Variants in TRPC4 observed in about 807,000 individuals in gnomAD.
TRPC4 encodes short transient receptor potential channel 4.
Under a neutral mutation model 99.4 loss-of-function variants are expected in TRPC4, and 49 were observed. That is an observed-to-expected ratio of 0.49 (90% CI 0.39 to 0.63). TRPC4 has a LOEUF of 0.63. Ranked by LOEUF, TRPC4 falls within the 20% of genes least tolerant of loss-of-function variation. The pLI, the probability that TRPC4 is intolerant of heterozygous loss-of-function variation, is 0.00. For synonymous variants in TRPC4, 454 were observed against 425.9 expected, an observed-to-expected ratio of 1.07 and a Z score of -0.81; for missense variants, 898 against 1,152.9, an observed-to-expected ratio of 0.78 and a Z score of 3.20.
intron 8 of TRPC4, among the ~76,000 whole-genome samples, chr13:37,640,713 C>A (rs535480701): frequency 6.6e-6 from 1 of 152,250 alleles, no homozygotes; most frequent in South Asian, 2.1e-4. Flanking sequence ...CAGCTGAAAC[C>A]TAAGACAAAC....
intron 2 of TRPC4, among the ~76,000 whole-genome samples, chr13:37,765,215 T>C (rs1459892380): frequency 6.6e-6 from 1 of 151,416 alleles, no homozygotes; most frequent in Non-Finnish European, 1.5e-5. Flanking sequence ...TATCAGTGTC[T>C]TTTCCCCCAA....
intron 1 of TRPC4, among the ~76,000 whole-genome samples, chr13:37,791,875 G>T (rs1378462783): frequency 6.6e-6 from 1 of 152,130 alleles, no homozygotes. Context: ...GGAGGAACAG[G>T]ATGCAATCTA....
At chr13:37,641,553 T>C (rs1951714552) in intron 8 of TRPC4, among the ~76,000 whole-genome samples, 1 of 152,174 alleles carries the variant, frequency 6.6e-6, no homozygotes, top group Non-Finnish European at 1.5e-5. Context: ...CACCAAATAA[T>C]TAATGCTAAA....
chr13:37,713,882 T>C (rs969898082), intron 3 of TRPC4, among the ~76,000 whole-genome samples: 1 of 152,170 alleles, frequency 6.6e-6, no homozygotes, highest in South Asian at 2.1e-4. Flanking sequence ...GAAGTGGCTA[T>C]ATTTTTAGGA....
chr13:37,721,385 T>G (rs1364233131), intron 3 of TRPC4, among the ~76,000 whole-genome samples: 1 of 152,154 alleles, frequency 6.6e-6, no homozygotes, highest in Non-Finnish European at 1.5e-5. Context: ...TGTTGTGAAG[T>G]GGCATTCAAA....
At chr13:37,664,578 A>AG (rs1952572801) in intron 5 of TRPC4, among the ~76,000 whole-genome samples, 1 of 107,294 alleles carries the variant, frequency 9.3e-6, no homozygotes, top group African/African-American at 3.7e-5. Flanking sequence ...CCATCTCAAA[A>AG]GAAAAAAAAA....
intron 3 of TRPC4, among the ~76,000 whole-genome samples, chr13:37,707,171 T>C (rs1044238716): frequency 3.7e-4 from 56 of 152,186 alleles, no homozygotes; most frequent in African/African-American, 1.4e-3. Flanking sequence ...AGAACTATCA[T>C]TTTTATAATC....
intron 2 of TRPC4, among the ~76,000 whole-genome samples, chr13:37,759,262 A>G (rs1292613041): frequency 6.6e-6 from 1 of 151,992 alleles, no homozygotes; most frequent in East Asian, 1.9e-4. Flanking sequence ...CATAACAACA[A>G]ATTTGAGATG....
chr13:37,831,359 T>C (rs569381479), intron 1 of TRPC4, among the ~76,000 whole-genome samples: 1 of 152,284 alleles, frequency 6.6e-6, no homozygotes, highest in East Asian at 1.9e-4. Flanking sequence ...TGTTAGAATA[T>C]CAATTATCAA....
chr13:37,774,119 GT>G lies in TRPC4; in HGVS notation c.378+8836del, dbSNP rs1485258349. On this transcript the variant is annotated intron_variant, in intron 2 of 10. Transcript: ENST00000379705. ...GGGACTCCAGAAATCAAAAAGGGAT[GT>G]TGCAATTAAGGAGATGAGTATTAGG... Among the ~76,000 whole-genome samples the G allele has an allele frequency of 3.4e-4, 51 of 151,794 alleles. No individual in the cohort carries two copies. In the East Asian group the frequency reaches 7.0e-3, roughly 21 times the overall value.
At chr13:37,725,252 A>G (rs928437207) in intron 3 of TRPC4, among the ~76,000 whole-genome samples, 9 of 152,102 alleles carry the variant, frequency 5.9e-5, no homozygotes, top group Non-Finnish European at 1.2e-4. Context: ...GTGAGACACC[A>G]TCAAGTGGAC....
intron 2 of TRPC4, among the ~76,000 whole-genome samples, chr13:37,771,925 G>C (rs950990734): frequency 3.3e-5 from 5 of 151,630 alleles, no homozygotes; most frequent in African/African-American, 7.3e-5. Flanking sequence ...ATATAGCATG[G>C]AGACAATAGA....
intron 2 of TRPC4, 112 bp downstream of exon 2, chr13:37,782,844 T>C (rs1956873847): frequency 9.2e-7 from 1 of 1,088,014 alleles, no homozygotes; most frequent in East Asian, 2.7e-5. Context: ...GAAGCTTATA[T>C]TTCTTAAATT....
chr13:37,746,272 C>T lies in TRPC4; in HGVS notation c.562G>A (p.Asp188Asn). 6.2e-7 allele frequency: 1 copy of T among 1,613,828 alleles called. No individual in the cohort carries two copies. The highest frequency in any genetic ancestry group is 8.5e-7 in the Non-Finnish European group (1 of 1,179,884). The change falls in exon 3 of 11, where the codon GAC becomes AAC. Residue 188 changes from aspartate (D) to asparagine (N), a missense_variant. Coordinates refer to ENST00000379705, the MANE Select transcript of TRPC4 (RefSeq NM_016179.4). ...CVECVSSSDV[D>N]SLRHSRSRLN... The stretch of plus-strand genomic sequence containing the variant: ...CTGGAGCGTGAGTGACGGAGGCTGT[C>T]CACATCTGAACTGGACACGCATTCC...
chr13:37,827,457 G>C (rs201125014), intron 1 of TRPC4, among the ~76,000 whole-genome samples: 1 of 151,882 alleles, frequency 6.6e-6, no homozygotes, highest in Non-Finnish European at 1.5e-5. Context: ...TTTGGTGTGG[G>C]TGTCCTTTCT....
At chr13:37,735,627 C>T (rs998176450) in intron 3 of TRPC4, among the ~76,000 whole-genome samples, 3 of 152,078 alleles carry the variant, frequency 2.0e-5, no homozygotes, top group African/African-American at 7.2e-5. Flanking sequence ...GTCAGAAGTA[C>T]CCGTTTTATG....
rs533721931 is a variant in TRPC4 at position 37,859,236 on chromosome 13, T to C, written c.-28+10359A>G. Among the ~76,000 whole-genome samples the C allele has an allele frequency of 1.4e-4, 21 of 151,142 alleles. No individual in the cohort carries two copies. In the South Asian group the frequency reaches 4.4e-3, roughly 31 times the overall value. The stretch of plus-strand genomic sequence containing the variant: ...ATGGAAAAAGCATTAAAAGAAAAAG[T>C]ACAGTTTACTAGAACATGACATAGT... On this transcript the variant is annotated intron_variant, in intron 1 of 10. Transcript: ENST00000379705.
intron 8 of TRPC4, among the ~76,000 whole-genome samples, chr13:37,649,761 C>CAAAAAA (rs1455824451): frequency 1.8e-5 from 1 of 57,058 alleles, no homozygotes; most frequent in East Asian, 4.8e-4. Context: ...AAAAAAAAAA[C>CAAAAAA]AACAACAAAG....
chr13:37,637,740 C>A, intron 10 of TRPC4, 115 bp from the exon 11 acceptor site: 1 of 1,014,230 alleles, frequency 9.9e-7, no homozygotes, highest in Non-Finnish European at 1.4e-6. Context: ...AACAAGGATT[C>A]TACTCTACTG....
Sources: allele counts gnomAD v4.1 joint callset (sites outside exome capture counted in the v4.1 genomes callset), GRCh38; gene constraint gnomAD v4.1.1; transcripts MANE v1.5; gene names NCBI Gene and HGNC (gene_info 2026-07-23, HGNC 2026-07-21).